HIRA: variants seen among roughly 807,000 people sequenced by gnomAD.
HIRA encodes the protein protein HIRA.
In HIRA, 13 loss-of-function variants were observed where a neutral mutation model predicts 126.6. The ratio of observed to expected loss-of-function variants is 0.10; its 90% confidence interval spans 0.07 to 0.16. HIRA has a LOEUF of 0.16. HIRA is among the 10% of genes least tolerant of loss of function. The pLI is 1.00. For synonymous variants in HIRA, 511 were observed against 520.0 expected, an observed-to-expected ratio of 0.98 and a Z score of 0.24; for missense variants, 834 against 1,314.4, an observed-to-expected ratio of 0.63 and a Z score of 5.65.
intron 23 of HIRA, 146 bp downstream of exon 23, chr22:19,353,210 C>T: frequency 1.1e-6 from 1 of 942,052 alleles, no homozygotes; most frequent in Non-Finnish European, 1.6e-6. Context: ...TGGGTGCCTG[C>T]TGAGCTGCCT....
chr22:19,333,781 A>G (rs534508887), intron 24 of HIRA, among the ~76,000 whole-genome samples: 19 of 151,638 alleles, frequency 1.3e-4, no homozygotes, highest in African/African-American at 4.6e-4. Flanking sequence ...TCTTCATTCT[A>G]TTTTCTTTTT....
At position 19,431,625 on chromosome 22, in the gene HIRA, G is replaced by C. The variant is rs2089540641; in HGVS notation, c.-149C>G. ...CCCTCAGGGCCGCCGCGCCATCGCCGGCCCGCGCCCCCCTCCGCCGCCACA... is the reference window on the plus strand; with the variant it reads ...CCCTCAGGGCCGCCGCGCCATCGCCCGCCCGCGCCCCCCTCCGCCGCCACA... On this transcript the variant is annotated 5_prime_UTR_variant, in exon 1 of 25. Coordinates refer to ENST00000263208, the MANE Select transcript of HIRA (RefSeq NM_003325.4). 2.7e-6 allele frequency: 2 copies of C among 753,414 alleles called. No individual in the cohort carries two copies. Among genetic ancestry groups the C allele is most frequent in the Non-Finnish European group, 3.3e-6 (2 of 612,800 alleles). The allele number at this position is 753,414 out of a possible 1,614,324, so 46.7% of individuals were successfully genotyped here. A position where few individuals can be genotyped will look rare whatever the true frequency, so the allele number is the denominator to read the frequency against.
intron 1 of HIRA, among the ~76,000 whole-genome samples, chr22:19,413,358 C>T (rs567943757): frequency 7.9e-5 from 12 of 152,220 alleles, no homozygotes; most frequent in African/African-American, 2.4e-4. Flanking sequence ...TTTAGCCCTG[C>T]CACTTACCCA....
chr22:19,345,638 C>G (rs2088678322), intron 24 of HIRA, among the ~76,000 whole-genome samples: 1 of 152,190 alleles, frequency 6.6e-6, no homozygotes, highest in African/African-American at 2.4e-5. Context: ...CAACCTAGAT[C>G]TCTCATATGT....
rs571435959 is a variant in HIRA, at chr22:19,331,046, C to T, written c.*394G>A. ...GGTCAGTCTGCTGTAATACCTAACG[C>T]TTCCGGATTCTCTCTCACAAATGGC... On this transcript the variant is annotated 3_prime_UTR_variant, in exon 25 of 25. Coordinates refer to ENST00000263208, the MANE Select transcript of HIRA (RefSeq NM_003325.4). The T allele has an allele frequency of 1.1e-6, 1 of 905,348 alleles. No individual in the cohort carries two copies. The highest frequency in any genetic ancestry group is 1.7e-5 in the South Asian group (1 of 58,690). 56.1% of individuals were successfully genotyped at this position (905,348 alleles called of 1,614,324 possible). A position where few individuals can be genotyped will look rare whatever the true frequency, so the allele number is the denominator to read the frequency against.
chr22:19,351,301 C>T lies in HIRA; in HGVS notation c.2937+57G>A. 3 of 1,569,236 alleles carry T rather than the reference C, an allele frequency of 1.9e-6. No homozygotes were observed. The South Asian group carries it at 3.6e-5, about 19-fold the overall frequency. On this transcript the variant is annotated intron_variant, in intron 24 of 24. Coordinates refer to ENST00000263208, the MANE Select transcript of HIRA (RefSeq NM_003325.4). This position sits in a 1 kb window ranked among gnomAD's most constrained non-coding sequence, Gnocchi z 4.8. ...AAGCACTTTGGCTTATTTAAAAAAT[C>T]TCCACCTTCATGTTTCAAGAAAGAA...
At chr22:19,345,532 T>G (rs1270630793) in intron 24 of HIRA, among the ~76,000 whole-genome samples, 1 of 151,134 alleles carries the variant, frequency 6.6e-6, no homozygotes, top group Non-Finnish European at 1.5e-5. Flanking sequence ...CCAGGACTGG[T>G]TTTTTTTTAT....
chr22:19,431,580 CGGCCGCCGCCCGCCCCGCGCCCTCAG>C lies in HIRA; in HGVS notation c.-130_-105del. 1 of 952,446 alleles carries C rather than the reference CGGCCGCCGCCCGCCCCGCGCCCTCAG, an allele frequency of 1.0e-6. No individual in the cohort carries two copies. The highest frequency in any genetic ancestry group is 1.2e-6 in the Non-Finnish European group (1 of 800,962). 59.0% of individuals were successfully genotyped at this position (952,446 alleles called of 1,614,324 possible). A position where few individuals can be genotyped will look rare whatever the true frequency, so the allele number is the denominator to read the frequency against. ...GCTTCCTCCCGCGCCACCCGCCCTC[CGGCCGCCGCCCGCCCCGCGCCCTCAG>C]GGCCGCCGCGCCATCGCCGGCCCGC... On this transcript the variant is annotated 5_prime_UTR_variant, in exon 1 of 25. An upstream open reading frame in the 5' UTR loses its in-frame stop. Transcript: ENST00000263208.
chr22:19,408,662 A>C, intron 2 of HIRA, 69 bp from the exon 3 acceptor site: 5 of 867,928 alleles, frequency 5.8e-6, no homozygotes, highest in Non-Finnish European at 9.7e-6. Flanking sequence ...TTTAATGTCA[A>C]ATTAAATTAG....
intron 24 of HIRA, among the ~76,000 whole-genome samples, chr22:19,336,864 C>A (rs543552563): frequency 6.6e-6 from 1 of 152,278 alleles, no homozygotes; most frequent in East Asian, 1.9e-4. Context: ...AAGGGATCAC[C>A]CTGTGGGACA....
intron 5 of HIRA, among the ~76,000 whole-genome samples, chr22:19,401,524 T>C (rs1295027465): frequency 6.6e-6 from 1 of 152,230 alleles, no homozygotes; most frequent in South Asian, 2.1e-4. Flanking sequence ...CTACACAGTA[T>C]GTCCATTTAC....
intron 21 of HIRA, among the ~76,000 whole-genome samples, chr22:19,354,940 A>AT (rs1216496201): frequency 0.014 from 2,056 of 146,996 alleles, 20 homozygotes; most frequent in Admixed American, 0.019. Context: ...CTTATTTAAA[A>AT]TTTTTTTTTT....
intron 10 of HIRA, 58 bp downstream of exon 10, chr22:19,388,426 G>A: frequency 7.2e-7 from 1 of 1,388,094 alleles, no homozygotes; most frequent in Admixed American, 1.7e-5. Flanking sequence ...AAGGCCTCAT[G>A]TTCCAATGTG....
At position 19,355,744 on chromosome 22, in the gene HIRA, G is replaced by A. The variant is rs962970882; in HGVS notation, c.2561+16C>T. 4 of 1,557,002 alleles carry A rather than the reference G, an allele frequency of 2.6e-6. No homozygotes were observed. The highest frequency in any genetic ancestry group is 1.7e-5 in the Admixed American group (1 of 59,918). Reference sequence around the variant, plus strand: ...ACACTCTTCCAGGGAATAGGACTGGGGGTCAGCTTGCTTACCATGTGGAAA... The same window carrying A: ...ACACTCTTCCAGGGAATAGGACTGGAGGTCAGCTTGCTTACCATGTGGAAA... On this transcript the variant is annotated intron_variant, in intron 21 of 24. Transcript: ENST00000263208.
chr22:19,399,143 T>G lies in HIRA; in HGVS notation c.398-1056A>C, dbSNP rs980127060. ...ACCTTGCCTATCCTGCCATCAGGGGTGAAGGGCGCAGTCTTAGTTATTTCT... is the reference window on the plus strand; with the variant it reads ...ACCTTGCCTATCCTGCCATCAGGGGGGAAGGGCGCAGTCTTAGTTATTTCT... On this transcript the variant is annotated intron_variant, in intron 5 of 24. Transcript: ENST00000263208. 3 of 985,202 alleles carry G rather than the reference T, an allele frequency of 3.0e-6. No individual in the cohort carries two copies. In the African/African-American group the frequency reaches 5.2e-5, roughly 17 times the overall value. The allele number at this position is 985,202 out of a possible 1,614,324, so 61.0% of individuals were successfully genotyped here. A position where few individuals can be genotyped will look rare whatever the true frequency, so the allele number is the denominator to read the frequency against.
At chr22:19,422,197 CACAT>C (rs1569314754) in intron 1 of HIRA, among the ~76,000 whole-genome samples, 17 of 122,360 alleles carry the variant, frequency 1.4e-4, no homozygotes, top group Admixed American at 3.1e-4. Flanking sequence ...CACACACATA[CACAT>C]ATATATATAT....
In HIRA at chr22:19,385,451, T is replaced by C. The variant is rs998435376; in HGVS notation, c.1329+70A>G. The C allele has an allele frequency of 6.3e-6, 9 of 1,437,906 alleles. No individual in the cohort carries two copies. In the African/African-American group the frequency reaches 9.8e-5, roughly 16 times the overall value. The allele number at this position is 1,437,906 out of a possible 1,614,324, so 89.1% of individuals were successfully genotyped here. ...AAACAAACCCCTTCCTTACCACCAC[T>C]GGTGTCTGCCCCTCACCCTGTCCCT... On this transcript the variant is annotated intron_variant, in intron 12 of 24. Coordinates refer to ENST00000263208, the MANE Select transcript of HIRA (RefSeq NM_003325.4).
At chr22:19,417,333 GCTA>G (rs2089407135) in intron 1 of HIRA, among the ~76,000 whole-genome samples, 1 of 151,912 alleles carries the variant, frequency 6.6e-6, no homozygotes, top group South Asian at 2.1e-4. Flanking sequence ...CATTAAGATG[GCTA>G]CTAACGGCTG....
In HIRA at chr22:19,391,728, C is replaced by T. The variant is rs555930181; in HGVS notation, c.936+373G>A. On this transcript the variant is annotated intron_variant, in intron 9 of 24. Coordinates refer to ENST00000263208, the MANE Select transcript of HIRA (RefSeq NM_003325.4). Reference sequence around the variant, plus strand: ...AACTCCTGACCTTGTGATCCGCCCACCTCGGCCTCCTAAAGTGCTGGGATT... The same window carrying T: ...AACTCCTGACCTTGTGATCCGCCCATCTCGGCCTCCTAAAGTGCTGGGATT... Among the ~76,000 whole-genome samples the T allele has an allele frequency of 4.6e-5, 7 of 152,254 alleles. No individual in the cohort carries two copies. In the East Asian group the frequency reaches 1.2e-3, roughly 25 times the overall value.
Sources: gnomAD v4.1 joint callset for allele counts (sites outside exome capture counted in the v4.1 genomes callset) on GRCh38, gnomAD v4.1.1 for gene constraint, Gnocchi (gnomAD v3.1) non-coding constraint, MANE v1.5 for transcripts, NCBI Gene and HGNC (gene_info 2026-07-23, HGNC 2026-07-21) for gene names.